SYNE2: variants seen among roughly 807,000 people sequenced by gnomAD.
SYNE2 encodes the protein spectrin repeat containing nuclear envelope protein 2, also known as nesprin-2.
SYNE2 carries 431 observed loss-of-function variants against 856.3 expected under a neutral mutation model. That is an observed-to-expected ratio of 0.50 (90% CI 0.47 to 0.55). SYNE2 has a LOEUF of 0.55. Ranked by LOEUF, SYNE2 falls within the 20% of genes least tolerant of loss-of-function variation. The probability of loss-of-function intolerance (pLI) is 0.00; values close to 1 mark genes in which losing one functional copy is unlikely to be tolerated. For synonymous variants in SYNE2, 2,923 were observed against 2,872.3 expected (o/e 1.02, Z -0.56); for missense variants, 8,129 against 8,023.2 (o/e 1.01, Z -0.50).
intron 45 of SYNE2, among the ~76,000 whole-genome samples, chr14:64,044,736 G>T (rs1394929391): frequency 6.6e-6 from 1 of 152,098 alleles, no homozygotes. Context: ...TTTAAGAAAC[G>T]GGAGTTTGCC....
At chr14:64,018,192 A>G (rs925805698) in intron 34 of SYNE2, among the ~76,000 whole-genome samples, 3 of 152,194 alleles carry the variant, frequency 2.0e-5, no homozygotes, top group African/African-American at 4.8e-5. Flanking sequence ...AACAAAATGC[A>G]TAATTGCTCC....
rs201472187 is a variant in SYNE2, at chr14:64,225,344, C to T, written c.20542C>T (p.Arg6848Cys). The T allele has an allele frequency of 3.3e-5, 53 of 1,614,110 alleles. No homozygotes were observed. The highest frequency in any genetic ancestry group is 7.7e-5 in the South Asian group (7 of 91,080). The change falls in exon 116 of 116, where the codon CGC (arginine) becomes TGC (cysteine). Residue 6848 changes from arginine (R) to cysteine (C), a missense_variant. Physicochemically the swap from Arg to Cys is radical, Grantham distance 180. This residue lies in a region of SYNE2 where 5,410 missense variants were observed against 5,284.8 expected (regional missense o/e 1.02). Coordinates refer to ENST00000555002, the MANE Select transcript of SYNE2 (RefSeq NM_182914.3). ...GGTCCCCGGCAGCACACGGCCACAG[C>T]GCTCCTTCCTCTCAAGGGTGGTCCG... Reference protein sequence around the residue: ...SRVPGSTRPQRSFLSRVVRAA... With the variant: ...SRVPGSTRPQCSFLSRVVRAA...
At chr14:63,919,547 C>T (rs1331893867) in intron 2 of SYNE2, among the ~76,000 whole-genome samples, 1 of 151,990 alleles carries the variant, frequency 6.6e-6, no homozygotes, top group Non-Finnish European at 1.5e-5. Flanking sequence ...AATGAGATCA[C>T]CTTTGGAGCG....
intron 68 of SYNE2, 68 bp downstream of exon 68, chr14:64,121,129 C>A: frequency 7.5e-6 from 12 of 1,601,528 alleles, no homozygotes; most frequent in Non-Finnish European, 1.0e-5. Flanking sequence ...GTGGTGCAAA[C>A]CTACAGTCCT....
chr14:63,922,532 G>A (rs1050377565), intron 2 of SYNE2, among the ~76,000 whole-genome samples: 5 of 152,164 alleles, frequency 3.3e-5, no homozygotes, highest in Admixed American at 6.5e-5. Context: ...GCTAGGTGCA[G>A]TGGCTCACGT....
At chr14:64,014,541 C>T (rs1019020428) in intron 32 of SYNE2, among the ~76,000 whole-genome samples, 1 of 152,164 alleles carries the variant, frequency 6.6e-6, no homozygotes, top group Non-Finnish European at 1.5e-5. Flanking sequence ...ATTCTCCTAT[C>T]TCAGACTCCT....
intron 79 of SYNE2, 76 bp from the exon 80 acceptor site, chr14:64,139,862 TAAG>T (rs1026771565): frequency 4.1e-6 from 6 of 1,463,758 alleles, no homozygotes; most frequent in African/African-American, 1.4e-5. Flanking sequence ...TACAATAAAA[TAAG>T]AAAATTTGCT....
rs201340426 is a variant in SYNE2 at position 64,132,411 on chromosome 14, T to C, written c.14487T>C (p.Cys4829=). 6.2e-7 allele frequency: 1 copy of C among 1,614,156 alleles called. No individual in the cohort carries two copies. Among genetic ancestry groups the C allele is most frequent in the Non-Finnish European group, 8.5e-7 (1 of 1,180,020 alleles). Residue 4829 remains cysteine (C), a synonymous_variant, in exon 77 of 116, where the codon TGT becomes TGC. Transcript: ENST00000555002. ...TACTAGAAGAAAAGTCACGCCAATG[T>C]GGTATGAAGCTGCAGAGTTTGTTGC... ...VKILEEKSRQ[C]GMKLQSLLQK... is the part of the protein sequence containing the mutation.
At chr14:64,159,221 G>T in intron 86 of SYNE2, 91 bp from the exon 87 acceptor site, 1 of 1,528,132 alleles carries the variant, frequency 6.5e-7, no homozygotes. Context: ...GAGTGTTATT[G>T]CTACATAGTA....
At chr14:63,863,285 A>G (rs1894247294) in intron 1 of SYNE2, among the ~76,000 whole-genome samples, 1 of 152,130 alleles carries the variant, frequency 6.6e-6, no homozygotes, top group Non-Finnish European at 1.5e-5. Context: ...CACATTTAGT[A>G]GGAGATCAGG....
intron 1 of SYNE2, among the ~76,000 whole-genome samples, chr14:63,908,653 A>T (rs1197874061): frequency 3.9e-5 from 6 of 152,198 alleles, no homozygotes; most frequent in Non-Finnish European, 5.9e-5. Context: ...TATTGTTTCC[A>T]GTAAATGGCA....
chr14:64,062,971 T>A (rs1490288293), intron 50 of SYNE2, 76 bp downstream of exon 50: 117 of 1,559,452 alleles, frequency 7.5e-5, no homozygotes, highest in Non-Finnish European at 1.0e-4. Flanking sequence ...CAGCAGAGAA[T>A]GTGGTCCTGT....
At chr14:64,046,167 T>C (rs899613284) in intron 45 of SYNE2, among the ~76,000 whole-genome samples, 3 of 152,198 alleles carry the variant, frequency 2.0e-5, no homozygotes, top group African/African-American at 4.8e-5. Flanking sequence ...ATCTCAGGGC[T>C]CCACAAATAT....
chr14:64,207,207 C>T (rs909894202), intron 100 of SYNE2, among the ~76,000 whole-genome samples: 25 of 152,136 alleles, frequency 1.6e-4, no homozygotes, highest in African/African-American at 5.6e-4. Context: ...ATTCAGTTGG[C>T]GGGTTAGCAT....
intron 103 of SYNE2, 126 bp from the exon 104 acceptor site, chr14:64,211,835 C>G: frequency 7.1e-7 from 1 of 1,415,604 alleles, no homozygotes. Context: ...TTCTGGGTAC[C>G]CTAGAGGCAG....
At chr14:64,070,328 G>T (rs976224826) in intron 51 of SYNE2, among the ~76,000 whole-genome samples, 2 of 152,196 alleles carry the variant, frequency 1.3e-5, no homozygotes, top group Admixed American at 6.5e-5. Context: ...GAGCTCATGT[G>T]CTTATCTCAG....
rs112897048 is a variant in SYNE2, at chr14:64,047,693, A to C, written c.7222-307A>C. On this transcript the variant is annotated intron_variant, in intron 45 of 115. Transcript: ENST00000555002. ...CCCTGCCCACTGTATCCTGGTGAAC[A>C]CTAAAGCATACACTTTTGGGGTTTT... Among the ~76,000 whole-genome samples, 935 of 152,344 alleles carry C rather than the reference A, an allele frequency of 6.1e-3. 8 individuals are homozygous for C. The highest frequency in any genetic ancestry group is 0.021 in the African/African-American group (878 of 41,570).
intron 1 of SYNE2, among the ~76,000 whole-genome samples, chr14:63,787,510 G>T (rs922727379): frequency 1.3e-5 from 2 of 152,208 alleles, no homozygotes; most frequent in African/African-American, 4.8e-5. Context: ...CATCCAGGAA[G>T]AATGAGGTAT....
At chr14:64,184,781 C>T (rs2098480330) in intron 96 of SYNE2, among the ~76,000 whole-genome samples, 1 of 152,226 alleles carries the variant, frequency 6.6e-6, no homozygotes, top group Non-Finnish European at 1.5e-5. Flanking sequence ...GATTTATCTT[C>T]TGAGAAAGGT....
Sources: allele counts gnomAD v4.1 joint callset (sites outside exome capture counted in the v4.1 genomes callset), GRCh38; gene constraint gnomAD v4.1.1; regional missense constraint gnomAD v4.1.1; transcripts MANE v1.5; gene names NCBI Gene and HGNC (gene_info 2026-07-23, HGNC 2026-07-21).